IGSF5: variants seen among roughly 807,000 people sequenced by gnomAD.
The protein encoded by IGSF5 is immunoglobulin superfamily 5 like.
In IGSF5, 41 loss-of-function variants were observed where a neutral mutation model predicts 39.4. That is an observed-to-expected ratio of 1.04 (90% confidence interval 0.81 to 1.35). The LOEUF is 1.35. IGSF5 is among the 40% of genes most tolerant of loss of function. The pLI is 0.00. For synonymous variants in IGSF5, 183 were observed against 175.3 expected (o/e 1.04, Z -0.34); for missense variants, 487 against 494.6 (o/e 0.98, Z 0.15).
chr21:39,715,784 G>A, the IGSF5 span, among the ~76,000 whole-genome samples: 1 of 152,098 alleles, frequency 6.6e-6, no homozygotes, highest in Non-Finnish European at 1.5e-5. Flanking sequence ...ATCATTCACG[G>A]GCTTTATAAT....
At position 39,792,038 on chromosome 21, in the gene IGSF5, A is replaced by T; in HGVS notation, c.987A>T (p.Glu329Asp). The T allele has an allele frequency of 6.2e-7, 1 of 1,610,624 alleles. No individual in the cohort carries two copies. The highest frequency in any genetic ancestry group is 8.5e-7 in the Non-Finnish European group (1 of 1,178,252). Residue 329 changes from glutamate (E) to aspartate (D), a missense_variant, in exon 7 of 9, where the codon GAA becomes GAT. Transcript: ENST00000380588. ...CTGAAAAAGAGAAGACAAACAAAGA[A>T]ACTGAGACAGAAAGTGGAAATGAAA... ...KKSEKEKTNK[E>D]TETESGNENS... is the part of the protein sequence containing the mutation.
the IGSF5 span, among the ~76,000 whole-genome samples, chr21:39,725,305 G>A: frequency 6.6e-6 from 1 of 152,240 alleles, no homozygotes; most frequent in African/African-American, 2.4e-5. Context: ...GTAGGAAATG[G>A]TAGCAGTTCA....
At chr21:39,742,781 CT>C (rs71330380), upstream of IGSF5, among the ~76,000 whole-genome samples, 2 of 151,742 alleles carry the variant, frequency 1.3e-5, no homozygotes, top group Admixed American at 6.6e-5. Context: ...AAGTGATGGC[CT>C]TTTTTTTATC....
intron 2 of IGSF5, among the ~76,000 whole-genome samples, chr21:39,758,041 G>A (rs1023194944): frequency 6.6e-6 from 1 of 152,176 alleles, no homozygotes; most frequent in Non-Finnish European, 1.5e-5. Context: ...TTGCCTGCTT[G>A]CTTTATTTTC....
chr21:39,735,202 A>G, the IGSF5 span, among the ~76,000 whole-genome samples: 1 of 152,186 alleles, frequency 6.6e-6, no homozygotes, highest in Non-Finnish European at 1.5e-5. Flanking sequence ...AATATATGCT[A>G]TGCTGGTAAC....
At chr21:39,736,618 T>C in the IGSF5 span, among the ~76,000 whole-genome samples, 2 of 152,114 alleles carry the variant, frequency 1.3e-5, no homozygotes, top group Non-Finnish European at 2.9e-5. Flanking sequence ...CTTGCCCCAG[T>C]GTGGCCTCTC....
Position 39,801,391 on chromosome 21 carries a change from C to T in IGSF5, c.*34C>T. 2 of 1,498,344 alleles carry T rather than the reference C, an allele frequency of 1.3e-6. No individual in the cohort carries two copies. Among genetic ancestry groups the T allele is most frequent in the Non-Finnish European group, 1.9e-6 (2 of 1,075,982 alleles). The allele number at this position is 1,498,344 out of a possible 1,614,324, so 92.8% of individuals were successfully genotyped here. ...TCCCCAAGCTCCACTGAGCACTTGG[C>T]TGACAATTCAAAACACGGCGATGGC... is the stretch of plus-strand genomic sequence containing the variant. On this transcript the variant is annotated 3_prime_UTR_variant, in exon 9 of 9. Coordinates refer to ENST00000380588, the MANE Select transcript of IGSF5 (RefSeq NM_001080444.2).
chr21:39,797,218 C>CTTTTTTTTTTTTTTTTTTTTTTTTTTT (rs11385437), intron 8 of IGSF5, among the ~76,000 whole-genome samples: 1 of 123,812 alleles, frequency 8.1e-6, no homozygotes, highest in Non-Finnish European at 1.6e-5. Flanking sequence ...AGCTCCTTTG[C>CTTTTTTTTTTTTTTTTTTTTTTTTTTT]TTTTTTTTTT....
chr21:39,796,074 T>A (rs941235657), intron 8 of IGSF5, among the ~76,000 whole-genome samples: 1 of 152,168 alleles, frequency 6.6e-6, no homozygotes, highest in Non-Finnish European at 1.5e-5. Flanking sequence ...AGAGCCTGGA[T>A]GCAGGATGTA....
intron 4 of IGSF5, 131 bp from the exon 5 acceptor site, chr21:39,778,959 C>T (rs1039479530): frequency 5.1e-5 from 53 of 1,030,994 alleles, no homozygotes; most frequent in Middle Eastern, 3.2e-4. Context: ...GAAACTTGGC[C>T]TATGACGCCT....
chr21:39,753,948 G>C (rs575338752), intron 2 of IGSF5, among the ~76,000 whole-genome samples: 217 of 151,496 alleles, frequency 1.4e-3, no homozygotes, highest in Middle Eastern at 7.0e-3. Context: ...AGTCCATTCT[G>C]CCATTTTTAA....
At chr21:39,758,394 C>G (rs908151708) in intron 2 of IGSF5, among the ~76,000 whole-genome samples, 2 of 152,214 alleles carry the variant, frequency 1.3e-5, no homozygotes, top group Non-Finnish European at 2.9e-5. Flanking sequence ...GCATTAGGTT[C>G]CTTCCCACAA....
chr21:39,718,197 T>G, the IGSF5 span, among the ~76,000 whole-genome samples: 1 of 152,218 alleles, frequency 6.6e-6, no homozygotes, highest in Non-Finnish European at 1.5e-5. Context: ...ACATTGATTT[T>G]ATATCTTGCA....
At position 39,748,754 on chromosome 21, in the gene IGSF5, G is replaced by A. The variant is rs200554785; in HGVS notation, c.100+2456G>A. On this transcript the variant is annotated intron_variant, in intron 2 of 8. Coordinates refer to ENST00000380588, the MANE Select transcript of IGSF5 (RefSeq NM_001080444.2). ...GAAAATAATGTGCTAGTTGTGGAAA[G>A]GAATGATTTTCACACTATAATTTTT... Among the ~76,000 whole-genome samples, 4 of 152,154 alleles carry A rather than the reference G, an allele frequency of 2.6e-5. No homozygotes were observed. In the East Asian group the frequency reaches 7.7e-4, roughly 29 times the overall value.
At chr21:39,777,175 C>T (rs1368701174) in intron 4 of IGSF5, among the ~76,000 whole-genome samples, 1 of 152,218 alleles carries the variant, frequency 6.6e-6, no homozygotes, top group Non-Finnish European at 1.5e-5. Flanking sequence ...CAACCTTCAA[C>T]TCAAGACTGT....
At chr21:39,792,243 C>A in intron 7 of IGSF5, 144 bp downstream of exon 7, 1 of 597,286 alleles carries the variant, frequency 1.7e-6, no homozygotes, top group Non-Finnish European at 3.0e-6. Context: ...AGAAGAAATT[C>A]TAGAACTTGG....
chr21:39,787,019 TAGTG>T (rs1218317822), intron 5 of IGSF5, among the ~76,000 whole-genome samples: 1 of 152,046 alleles, frequency 6.6e-6, no homozygotes, highest in African/African-American at 2.4e-5. Flanking sequence ...GATGGTGAGT[TAGTG>T]GGTGTAGCGC....
chr21:39,738,953 A>G, the IGSF5 span, among the ~76,000 whole-genome samples: 1 of 152,018 alleles, frequency 6.6e-6, no homozygotes, highest in Non-Finnish European at 1.5e-5. The surrounding 1 kb of genome is among the most constrained non-coding windows in gnomAD (Gnocchi z 6.4). Context: ...CAATGGTGCA[A>G]TGTTGGCTCA....
chr21:39,784,214 T>C lies in IGSF5; in HGVS notation c.935-3953T>C, dbSNP rs1279281409. On this transcript the variant is annotated intron_variant, in intron 5 of 8. Transcript: ENST00000380588. Reference sequence around the variant, plus strand: ...ATATGCCCCAGATGGGTTACTCAAATGGAAGACACTGGATTTTAAAGGAAA... The same window carrying C: ...ATATGCCCCAGATGGGTTACTCAAACGGAAGACACTGGATTTTAAAGGAAA... 3.9e-5 allele frequency among the ~76,000 whole-genome samples: 6 copies of C among 152,254 alleles called. No individual in the cohort carries two copies. In the East Asian group the frequency reaches 1.2e-3, roughly 29 times the overall value.
Sources: gnomAD v4.1 joint callset for allele counts (sites outside exome capture counted in the v4.1 genomes callset) on GRCh38, gnomAD v4.1.1 for gene constraint, Gnocchi (gnomAD v3.1) non-coding constraint, MANE v1.5 for transcripts, NCBI Gene and HGNC (gene_info 2026-07-23, HGNC 2026-07-21) for gene names.